The following CEACAM21 variants were observed in gnomAD, a reference collection of about 807,000 sequenced individuals.
CEACAM21 encodes the protein CEA cell adhesion molecule 21, also known as cell adhesion molecule CEACAM21.
Under a neutral mutation model 33.2 loss-of-function variants are expected in CEACAM21, and 38 were observed. The ratio of observed to expected loss-of-function variants is 1.14; its 90% CI spans 0.88 to 1.50. The LOEUF is 1.50. Among genes scored for constraint, CEACAM21 ranks in the 40% most tolerant of loss-of-function variants. CEACAM21 has a pLI of 0.00. For missense variants in CEACAM21, 385 were observed against 364.6 expected (o/e 1.06, Z -0.46); for synonymous variants, 156 against 143.0 (o/e 1.09, Z -0.65).
chr19:41,586,575 G>T lies in CEACAM21; in HGVS notation c.*112G>T, dbSNP rs1273923156. 3 of 610,466 alleles carry T rather than the reference G, an allele frequency of 4.9e-6. No homozygotes were observed. Among genetic ancestry groups the T allele is most frequent in the African/African-American group, 1.9e-5 (1 of 53,744 alleles). 37.8% of individuals were successfully genotyped at this position (610,466 alleles called of 1,614,324 possible). ...TGTGGGTTGATGGAGCGTCCCTGAAGCCCCCAGCCCTGGGGATGGGGAAGG... is the reference window on the plus strand; with the variant it reads ...TGTGGGTTGATGGAGCGTCCCTGAATCCCCCAGCCCTGGGGATGGGGAAGG... On this transcript the variant is annotated 3_prime_UTR_variant, in exon 7 of 7. Transcript: ENST00000401445.
exon 2 of CEACAM21, chr19:41,564,875 A>C (rs2042149311): frequency 6.6e-6 from 1 of 152,218 alleles, no homozygotes; most frequent in African/African-American, 2.4e-5. Context: ...CGCTGGACAG[A>C]GATCACTTGG....
chr19:41,551,861 T>C (rs1262659208), intron 1 of CEACAM21: 2 of 152,134 alleles, frequency 1.3e-5, no homozygotes, highest in Non-Finnish European at 2.9e-5. Flanking sequence ...AAGGGCCACA[T>C]TTTGGCTGGG....
At chr19:41,561,713 T>C (rs1452244690) in intron 1 of CEACAM21, among the ~76,000 whole-genome samples, 2 of 152,210 alleles carry the variant, frequency 1.3e-5, no homozygotes, top group Non-Finnish European at 2.9e-5. Context: ...GCTATTGGTA[T>C]GCTGGTGGCA....
Position 41,569,476 on chromosome 19 carries a change from A to G in CEACAM21, c.-404+4420A>G, listed in dbSNP as rs370558217. On this transcript the variant is annotated intron_variant, in intron 2 of 7. Coordinates refer to the CEACAM21 transcript ENST00000407170. ...AAGCAGTCCACCCATAATGGATGAG[A>G]AAGTGTTGGGATTACAGCTGAGATG... 1.2e-4 allele frequency among the ~76,000 whole-genome samples: 18 copies of G among 152,222 alleles called. No homozygotes were observed. The East Asian group carries it at 2.5e-3, about 21-fold the overall frequency.
In CEACAM21 at chr19:41,585,432, A is replaced by T. The variant is rs782030342; in HGVS notation, c.798-11A>T. 3 of 1,613,602 alleles carry T rather than the reference A, an allele frequency of 1.9e-6. No homozygotes were observed. The highest frequency in any genetic ancestry group is 1.7e-6 in the Non-Finnish European group (2 of 1,179,724). The stretch of plus-strand genomic sequence containing the variant: ...CCTTGCACCTTCACAAATAACCCTG[A>T]CCTTTCCTAGGGCCAGCGATCAGAG... On this transcript the variant is annotated splice_polypyrimidine_tract_variant and intron_variant, in intron 4 of 6. Coordinates refer to ENST00000401445, the MANE Select transcript of CEACAM21 (RefSeq NM_001098506.4).
chr19:41,575,247 T>C (rs1418527016), upstream of CEACAM21, among the ~76,000 whole-genome samples: 1 of 152,220 alleles, frequency 6.6e-6, no homozygotes, highest in African/African-American at 2.4e-5. Flanking sequence ...GAAGATTTTC[T>C]GGTAAAAAAT....
At chr19:41,550,440 A>G (rs1336494547) in intron 1 of CEACAM21, 1 of 152,254 alleles carries the variant, frequency 6.6e-6, no homozygotes, top group Non-Finnish European at 1.5e-5. Flanking sequence ...AAAATCACGT[A>G]CAAAATATAA....
chr19:41,583,541 G>A (rs2070470693), intron 3 of CEACAM21, among the ~76,000 whole-genome samples: 1 of 152,176 alleles, frequency 6.6e-6, no homozygotes, highest in Admixed American at 6.5e-5. Flanking sequence ...AATGTATGAA[G>A]AAAGAGGTTT....
chr19:41,585,771 C>A (rs1286472487), intron 5 of CEACAM21, 69 bp from the exon 6 acceptor site: 3 of 1,502,100 alleles, frequency 2.0e-6, no homozygotes, highest in African/African-American at 1.4e-5. Context: ...CTGAGGACCC[C>A]CACACACTCT....
intron 1 of CEACAM21, among the ~76,000 whole-genome samples, chr19:41,576,846 C>T (rs570563097): frequency 1.3e-5 from 2 of 152,240 alleles, no homozygotes; most frequent in South Asian, 2.1e-4. Context: ...AGGTCAGGTG[C>T]TGACAAGAGC....
In CEACAM21 at chr19:41,576,308, T is replaced by G; in HGVS notation, c.34T>G (p.Cys12Gly). 6.2e-7 allele frequency: 1 copy of G among 1,612,734 alleles called. No individual in the cohort carries two copies. ...GPPSACPHRE[C>G]IPWQGLLLTA... ...CCCCTCAGCTTGTCCCCACAGAGAA[T>G]GCATCCCCTGGCAGGGGCTCTTGCT... The change falls in exon 1 of 7, where the codon TGC becomes GGC. Residue 12 changes from cysteine to glycine, a missense_variant. Coordinates refer to ENST00000401445, the MANE Select transcript of CEACAM21 (RefSeq NM_001098506.4).
chr19:41,579,528 C>T lies in CEACAM21; in HGVS notation c.600C>T (p.Thr200=). The T allele has an allele frequency of 1.2e-6, 2 of 1,613,290 alleles. No homozygotes were observed. Among genetic ancestry groups the T allele is most frequent in the Non-Finnish European group, 1.7e-6 (2 of 1,179,538 alleles). The change falls in exon 3 of 7, where the codon ACC becomes ACT. Residue 200 remains threonine (T), a synonymous_variant. Coordinates refer to ENST00000401445, the MANE Select transcript of CEACAM21 (RefSeq NM_001098506.4). ...MKLSWFNHVL[T]IDPIRQEDAG... is the part of the protein sequence containing the mutation. ...TGTCCTGGTTTAACCATGTGCTCAC[C>T]ATAGACCCCATCAGGCAGGAGGACG...
At chr19:41,561,485 T>C (rs571273088) in intron 1 of CEACAM21, among the ~76,000 whole-genome samples, 24 of 152,284 alleles carry the variant, frequency 1.6e-4, no homozygotes, top group Admixed American at 8.5e-4. Context: ...TGTTCATTAA[T>C]AGGAAGACTT....
intron 1 of CEACAM21, chr19:41,550,134 C>T (rs189135637): frequency 2.1e-4 from 32 of 152,342 alleles, no homozygotes; most frequent in Admixed American, 2.1e-3. Flanking sequence ...TTTTACACAA[C>T]CAGTTGTATG....
At chr19:41,560,415 T>C (rs1242848824) in intron 1 of CEACAM21, among the ~76,000 whole-genome samples, 1 of 151,940 alleles carries the variant, frequency 6.6e-6, no homozygotes, top group Non-Finnish European at 1.5e-5. Context: ...GAGATGGGGG[T>C]CTCACTATTT....
rs1555792570 is a variant in CEACAM21, at chr19:41,579,457, T to C, written c.529T>C (p.Trp177Arg). ...HTNNTGTSFQ[W>R]IFNNQRLQVT... is the part of the protein sequence containing the mutation. ...AAATAACACTGGAACCTCTTTCCAGTGGATTTTCAACAACCAGCGTCTGCA... is the reference window on the plus strand; with the variant it reads ...AAATAACACTGGAACCTCTTTCCAGCGGATTTTCAACAACCAGCGTCTGCA... Residue 177 changes from tryptophan (W) to arginine (R), a missense_variant, in exon 3 of 7, where the codon TGG (tryptophan) becomes CGG (arginine). Trp to Arg is a moderately radical substitution (Grantham distance 101, BLOSUM62 -3). Coordinates refer to ENST00000401445, the MANE Select transcript of CEACAM21 (RefSeq NM_001098506.4). 2 of 1,613,768 alleles carry C rather than the reference T, an allele frequency of 1.2e-6. No homozygotes were observed. The highest frequency in any genetic ancestry group is 3.3e-5 in the Admixed American group (2 of 60,000).
At chr19:41,581,488 T>A (rs1238315996) in intron 3 of CEACAM21, among the ~76,000 whole-genome samples, 1 of 152,240 alleles carries the variant, frequency 6.6e-6, no homozygotes, top group Non-Finnish European at 1.5e-5. Context: ...TCTATGTGTG[T>A]CTTTAATTCC....
chr19:41,563,214 C>G (rs572164979), intron 1 of CEACAM21, among the ~76,000 whole-genome samples: 2 of 152,088 alleles, frequency 1.3e-5, no homozygotes, highest in Admixed American at 1.3e-4. Context: ...TGGTTCTGTT[C>G]TTTCTTAAGG....
chr19:41,579,689 G>GC (rs2043231184), intron 3 of CEACAM21, 61 bp downstream of exon 3: 3 of 1,183,322 alleles, frequency 2.5e-6, no homozygotes, highest in Non-Finnish European at 1.2e-6. Flanking sequence ...AGGGAGGGGG[G>GC]GTGTAAAATG....
Sources: allele counts gnomAD v4.1 joint callset (sites outside exome capture counted in the v4.1 genomes callset), GRCh38; gene constraint gnomAD v4.1.1; transcripts MANE v1.5; gene names NCBI Gene and HGNC (gene_info 2026-07-23, HGNC 2026-07-21).